The following CHN1 variants were observed in gnomAD, a reference collection of about 807,000 sequenced individuals.
CHN1 encodes the protein N-chimaerin.
CHN1 carries 37 observed loss-of-function variants against 59.5 expected under a neutral mutation model. The observed-to-expected ratio is 0.62, with a 90% CI of 0.48 to 0.82. The LOEUF is 0.82. CHN1 is among the 40% of genes least tolerant of loss of function. The pLI is 0.00. For synonymous variants in CHN1, 206 were observed against 200.4 expected, an observed-to-expected ratio of 1.03 and a Z score of -0.24; for missense variants, 469 against 571.0, an observed-to-expected ratio of 0.82 and a Z score of 1.82.
At chr2:174,919,046 G>A (rs1300227361) in intron 3 of CHN1, among the ~76,000 whole-genome samples, 1 of 151,990 alleles carries the variant, frequency 6.6e-6, no homozygotes, top group Non-Finnish European at 1.5e-5. Context: ...ATGTGTGTTG[G>A]CTATAGCTAA....
chr2:174,827,967 G>C (rs1483091097), intron 7 of CHN1, among the ~76,000 whole-genome samples: 2 of 152,158 alleles, frequency 1.3e-5, no homozygotes, highest in African/African-American at 4.8e-5. Flanking sequence ...ATGGAGCAAG[G>C]CTCTGGAGAA....
intron 3 of CHN1, among the ~76,000 whole-genome samples, chr2:174,944,290 T>C (rs781379660): frequency 6.6e-6 from 1 of 152,208 alleles, no homozygotes; most frequent in Non-Finnish European, 1.5e-5. Flanking sequence ...CATAAAGTTA[T>C]AGTATGTCAC....
rs185259813 is a variant in CHN1, at chr2:174,949,259, A to G, written c.58+2905T>C. On this transcript the variant is annotated intron_variant, in intron 2 of 12. Transcript: ENST00000409900. ...CAACTTAATCACATTTTTTTCTAAGATCAGAATTTGACAAACACATTAACC... is the reference window on the plus strand; with the variant it reads ...CAACTTAATCACATTTTTTTCTAAGGTCAGAATTTGACAAACACATTAACC... Among the ~76,000 whole-genome samples the G allele has an allele frequency of 5.9e-5, 9 of 152,328 alleles. No individual in the cohort carries two copies. In the East Asian group the frequency reaches 1.7e-3, roughly 29 times the overall value.
intron 7 of CHN1, among the ~76,000 whole-genome samples, chr2:174,844,757 A>G (rs2105432670): frequency 6.6e-6 from 1 of 152,282 alleles, no homozygotes; most frequent in East Asian, 1.9e-4. Flanking sequence ...ACCCCACAGA[A>G]ACATTTTTAA....
chr2:174,901,228 T>G (rs1430283430), intron 5 of CHN1, among the ~76,000 whole-genome samples: 1 of 152,164 alleles, frequency 6.6e-6, no homozygotes, highest in Non-Finnish European at 1.5e-5. Context: ...CCTCACTTCT[T>G]CCCTCTCCAA....
chr2:174,974,602 C>T (rs1033758359), intron 1 of CHN1, among the ~76,000 whole-genome samples: 5 of 152,022 alleles, frequency 3.3e-5, no homozygotes, highest in African/African-American at 1.2e-4. Context: ...ATTGTTTTCT[C>T]ATAAATTTTT....
intron 1 of CHN1, among the ~76,000 whole-genome samples, chr2:174,955,244 TA>T (rs1690169960): frequency 6.7e-6 from 1 of 148,736 alleles, no homozygotes; most frequent in Non-Finnish European, 1.5e-5. Context: ...TATATAGAGA[TA>T]AATAGATAGA....
intron 5 of CHN1, among the ~76,000 whole-genome samples, chr2:174,894,813 G>A (rs1688160943): frequency 6.6e-6 from 1 of 151,990 alleles, no homozygotes; most frequent in Admixed American, 6.6e-5. Flanking sequence ...GTTACCTATG[G>A]TCAACCACGG....
intron 3 of CHN1, among the ~76,000 whole-genome samples, chr2:174,933,173 T>C (rs1397212767): frequency 6.6e-6 from 1 of 152,196 alleles, no homozygotes; most frequent in African/African-American, 2.4e-5. Flanking sequence ...AAACTGGATA[T>C]ATATGTGTGT....
At chr2:174,992,579 G>T (rs1691576961) in intron 1 of CHN1, among the ~76,000 whole-genome samples, 1 of 152,202 alleles carries the variant, frequency 6.6e-6, no homozygotes, top group Non-Finnish European at 1.5e-5. Context: ...CTGGATACTG[G>T]CTCCTAATGG....
At chr2:174,982,126 C>G (rs1459389169) in intron 1 of CHN1, among the ~76,000 whole-genome samples, 1 of 152,152 alleles carries the variant, frequency 6.6e-6, no homozygotes, top group African/African-American at 2.4e-5. Flanking sequence ...AGGACATGAA[C>G]TCATCATTTT....
intron 8 of CHN1, among the ~76,000 whole-genome samples, chr2:174,819,667 T>A (rs891101076): frequency 2.6e-5 from 4 of 152,006 alleles, no homozygotes; most frequent in Non-Finnish European, 5.9e-5. Context: ...TTGATTTTTT[T>A]ATTATTATTA....
At chr2:174,926,914 C>G (rs532784382) in intron 3 of CHN1, among the ~76,000 whole-genome samples, 3 of 152,016 alleles carry the variant, frequency 2.0e-5, no homozygotes, top group Non-Finnish European at 4.4e-5. Context: ...CCCGCCACCA[C>G]GCCCAGCTAA....
intron 3 of CHN1, among the ~76,000 whole-genome samples, chr2:174,942,843 C>T (rs1482498603): frequency 2.6e-5 from 4 of 152,058 alleles, no homozygotes; most frequent in East Asian, 3.9e-4. Context: ...TGAGCTTAGG[C>T]GTTTGAGACC....
At chr2:174,869,141 C>A (rs971083423) in intron 6 of CHN1, among the ~76,000 whole-genome samples, 1 of 152,176 alleles carries the variant, frequency 6.6e-6, no homozygotes, top group African/African-American at 2.4e-5. Context: ...CTTCTCCCTG[C>A]ACCCAGGAAT....
intron 7 of CHN1, among the ~76,000 whole-genome samples, chr2:174,844,577 C>T (rs897606773): frequency 3.3e-5 from 5 of 152,126 alleles, no homozygotes; most frequent in African/African-American, 7.2e-5. Context: ...GGAAATGCTA[C>T]GGTTTTTCCC....
At chr2:174,934,807 A>G (rs1689449285) in intron 3 of CHN1, among the ~76,000 whole-genome samples, 1 of 152,198 alleles carries the variant, frequency 6.6e-6, no homozygotes, top group South Asian at 2.1e-4. Flanking sequence ...CATGCAACCC[A>G]TGACCATCTT....
intron 8 of CHN1, among the ~76,000 whole-genome samples, chr2:174,817,496 G>A (rs992561485): frequency 6.1e-5 from 9 of 148,098 alleles, no homozygotes; most frequent in East Asian, 3.9e-4. Flanking sequence ...ACAGGGTCTC[G>A]CTCTGTCACC....
intron 6 of CHN1, among the ~76,000 whole-genome samples, chr2:174,850,321 T>C (rs1308503735): frequency 6.6e-6 from 1 of 152,166 alleles, no homozygotes; most frequent in Non-Finnish European, 1.5e-5. Context: ...CAATATATAT[T>C]TGGTTAAAAA....
Sources: gnomAD v4.1 joint callset for allele counts (sites outside exome capture counted in the v4.1 genomes callset) on GRCh38, gnomAD v4.1.1 for gene constraint, MANE v1.5 for transcripts, NCBI Gene and HGNC (gene_info 2026-07-23, HGNC 2026-07-21) for gene names.